Variants in JAML observed in about 807,000 individuals in gnomAD.
JAML encodes junctional adhesion molecule-like.
JAML carries 25 observed loss-of-function variants against 39.3 expected under a neutral mutation model. The ratio of observed to expected loss-of-function variants is 0.64; its 90% CI spans 0.46 to 0.89. The LOEUF (loss-of-function observed/expected upper bound fraction) is 0.89. Among genes scored for constraint, JAML ranks in the 40% least tolerant of loss-of-function variants. JAML has a pLI of 0.00. For synonymous variants in JAML, 162 were observed against 179.2 expected, an observed-to-expected ratio of 0.90 and a Z score of 0.77; for missense variants, 440 against 486.9, an observed-to-expected ratio of 0.90 and a Z score of 0.91.
intron 1 of JAML, among the ~76,000 whole-genome samples, chr11:118,223,678 A>T (rs1022347781): frequency 6.6e-6 from 1 of 152,110 alleles, no homozygotes; most frequent in Non-Finnish European, 1.5e-5. Flanking sequence ...TTTTGGAGTT[A>T]TCATTTTGGC....
Position 118,196,751 on chromosome 11 carries a change from G to C in JAML, c.1076C>G (p.Ala359Gly). 3.7e-6 allele frequency: 6 copies of C among 1,610,882 alleles called. No homozygotes were observed. Among genetic ancestry groups the C allele is most frequent in the Non-Finnish European group, 5.1e-6 (6 of 1,177,144 alleles). The change falls in exon 9 of 10, where the codon GCC becomes GGC. Residue 359 changes from alanine to glycine, a missense_variant. Ala to Gly is a moderately conservative substitution (Grantham distance 60). Coordinates refer to ENST00000356289, the MANE Select transcript of JAML (RefSeq NM_001098526.2). ...EEEEPSEKSEATYMTMHPVWP... is the reference protein window; with the variant it reads ...EEEEPSEKSEGTYMTMHPVWP... The stretch of plus-strand genomic sequence containing the variant: ...CATTCTCACCATGGTCATGTAGGTG[G>C]CCTCTGATTTTTCACTTGGTTCTTC...
chr11:118,202,589 T>G (rs998941712), intron 6 of JAML: 5 of 217,652 alleles, frequency 2.3e-5, no homozygotes, highest in Non-Finnish European at 4.7e-5. Context: ...AGAAGCTGCA[T>G]GAGCCCCCAT....
rs543209599 is a variant in JAML at position 118,222,412 on chromosome 11, C to T, written c.-21+2529G>A. Reference sequence around the variant, plus strand: ...TCCAACCTGGCGACAGAGCGAGACTCCATCTAAACAAACAAAAAGCCCCTG... The same window carrying T: ...TCCAACCTGGCGACAGAGCGAGACTTCATCTAAACAAACAAAAAGCCCCTG... On this transcript the variant is annotated intron_variant, in intron 1 of 9. Coordinates refer to ENST00000356289, the MANE Select transcript of JAML (RefSeq NM_001098526.2). This position sits in a 1 kb window ranked among gnomAD's most constrained non-coding sequence, Gnocchi z 4.2. Among the ~76,000 whole-genome samples the T allele has an allele frequency of 9.9e-5, 15 of 151,810 alleles. No homozygotes were observed. In the South Asian group the frequency reaches 2.5e-3, roughly 25 times the overall value.
Position 118,202,657 on chromosome 11 carries a change from G to A in JAML, c.772+771C>T, listed in dbSNP as rs45537439. 754 of 282,462 alleles carry A rather than the reference G, an allele frequency of 2.7e-3. 1 individual carries two copies. Among genetic ancestry groups the A allele is most frequent in the Non-Finnish European group, 4.5e-3 (628 of 140,518 alleles). The allele number at this position is 282,462 out of a possible 1,614,324, so 17.5% of individuals were successfully genotyped here. A position where few individuals can be genotyped will look rare whatever the true frequency, so the allele number is the denominator to read the frequency against. On this transcript the variant is annotated intron_variant, in intron 6 of 9. Transcript: ENST00000356289. ...TGAGAAGGAAGCACACAGACCTGCC[G>A]TGCTCCCCTCTCCAGCTGGAGACAA...
chr11:118,197,188 C>T (rs2134640753), intron 8 of JAML: 1 of 226,658 alleles, frequency 4.4e-6, no homozygotes, highest in East Asian at 1.3e-4. Context: ...GTCATCATCT[C>T]CCTCAGAGGA....
intron 2 of JAML, among the ~76,000 whole-genome samples, chr11:118,214,150 A>G (rs1949109578): frequency 6.6e-6 from 1 of 152,238 alleles, no homozygotes; most frequent in Admixed American, 6.5e-5. Context: ...CATGGGATAA[A>G]GAAAAAGGCA....
chr11:118,215,759 T>C (rs1031574463), intron 1 of JAML, among the ~76,000 whole-genome samples: 7 of 152,156 alleles, frequency 4.6e-5, no homozygotes, highest in African/African-American at 1.7e-4. Context: ...GATATGCATG[T>C]TATCTCTGTA....
At chr11:118,196,856 A>C (rs1948668368) in intron 8 of JAML, 35 bp from the exon 9 acceptor site, 1 of 1,541,066 alleles carries the variant, frequency 6.5e-7, no homozygotes, top group Non-Finnish European at 9.0e-7. Flanking sequence ...ATTCCTAAAA[A>C]TTAGATGAAT....
In JAML at chr11:118,194,031, G is replaced by A. The variant is rs73593809; in HGVS notation, c.*294C>T. On this transcript the variant is annotated 3_prime_UTR_variant, in exon 10 of 10. Coordinates refer to ENST00000356289, the MANE Select transcript of JAML (RefSeq NM_001098526.2). ...CATCCACTAAGAACCCTGCCCACAG[G>A]AGGGTCTGATCCAACGGGGGGTTTG... is the stretch of plus-strand genomic sequence containing the variant. 2.8e-3 allele frequency: 962 copies of A among 343,460 alleles called. 10 individuals carry two copies. Among genetic ancestry groups the A allele is most frequent in the African/African-American group, 0.018 (898 of 48,708 alleles). 21.3% of individuals were successfully genotyped at this position (343,460 alleles called of 1,614,324 possible). A position where few individuals can be genotyped will look rare whatever the true frequency, so the allele number is the denominator to read the frequency against.
At position 118,194,137 on chromosome 11, in the gene JAML, C is replaced by G. The variant is rs965376543; in HGVS notation, c.*188G>C. On this transcript the variant is annotated 3_prime_UTR_variant, in exon 10 of 10. Transcript: ENST00000356289. ...TCCATGCTCCCCTCCCCTCAGCAGGCCTGTTCCTCCAGAGCTGTCCAGTCT... is the reference window on the plus strand; with the variant it reads ...TCCATGCTCCCCTCCCCTCAGCAGGGCTGTTCCTCCAGAGCTGTCCAGTCT... 74 of 572,008 alleles carry G rather than the reference C, an allele frequency of 1.3e-4. 1 individual carries two copies. The East Asian group carries it at 1.7e-3, about 13-fold the overall frequency. The allele number at this position is 572,008 out of a possible 1,614,324, so 35.4% of individuals were successfully genotyped here.
At chr11:118,211,753 T>A (rs1259969157) in intron 3 of JAML, among the ~76,000 whole-genome samples, 1 of 152,138 alleles carries the variant, frequency 6.6e-6, no homozygotes, top group Non-Finnish European at 1.5e-5. Context: ...GATATACGAG[T>A]ATCTATACAG....
rs1334495462 is a variant in JAML at position 118,194,362 on chromosome 11, GAC to G, written c.1146_1147del (p.Lys382AsnfsTer39). On this transcript the variant is annotated frameshift_variant, in exon 10 of 10. Coordinates refer to ENST00000356289, the MANE Select transcript of JAML (RefSeq NM_001098526.2). LOFTEE classifies it low-confidence loss of function (END_TRUNC). ...CTGTGTTTTTGGCATTCCCCCACCT[GAC>G]TTTTTTTCAAGTGAGTTGTTCCGAT... 2 of 1,614,110 alleles carry G rather than the reference GAC, an allele frequency of 1.2e-6. No individual in the cohort carries two copies. The highest frequency in any genetic ancestry group is 2.2e-5 in the South Asian group (2 of 91,058).
rs1329158670 is a variant in JAML at position 118,203,485 on chromosome 11, C to G, written c.715G>C (p.Gly239Arg). ...GGNYTCSIHL[G>R]NLVFKKTIVL... Reference sequence around the variant, plus strand: ...ATGGTTTTCTTGAACACCAGGTTCCCTAGGTGGATACTGCAGGTGTAGTTT... The same window carrying G: ...ATGGTTTTCTTGAACACCAGGTTCCGTAGGTGGATACTGCAGGTGTAGTTT... The change falls in exon 6 of 10, where the codon GGG becomes CGG. Residue 239 changes from glycine to arginine, a missense_variant. By Grantham distance (125) the Gly-to-Arg change is moderately radical. Transcript: ENST00000356289. 6.2e-7 allele frequency: 1 copy of G among 1,614,148 alleles called. No homozygotes were observed. Among genetic ancestry groups the G allele is most frequent in the Admixed American group, 1.7e-5 (1 of 60,022 alleles).
chr11:118,209,706 T>C (rs1186048851), intron 4 of JAML, among the ~76,000 whole-genome samples: 1 of 151,808 alleles, frequency 6.6e-6, no homozygotes, highest in Non-Finnish European at 1.5e-5. Flanking sequence ...TTATTTTTTT[T>C]TTATTTTTTA....
intron 7 of JAML, among the ~76,000 whole-genome samples, chr11:118,199,614 G>A (rs1948732381): frequency 6.6e-6 from 1 of 152,038 alleles, no homozygotes; most frequent in Non-Finnish European, 1.5e-5. Flanking sequence ...GTCCCTGTTG[G>A]AGCATCTGGG....
In JAML at chr11:118,195,172, G is replaced by A. The variant is rs77087402; in HGVS notation, c.1093-755C>T. ...AGCCACAAGGCAGCTGTATCAGCAG[G>A]TCTCCAGGAGCCAGGATGAGGCCTC... On this transcript the variant is annotated intron_variant, in intron 9 of 9. Coordinates refer to ENST00000356289, the MANE Select transcript of JAML (RefSeq NM_001098526.2). Among the ~76,000 whole-genome samples the A allele has an allele frequency of 5.9e-3, 895 of 152,322 alleles. 6 individuals are homozygous for A. Among genetic ancestry groups the A allele is most frequent in the African/African-American group, 0.02 (844 of 41,582 alleles).
chr11:118,196,263 G>A (rs970280763), intron 9 of JAML, among the ~76,000 whole-genome samples: 3 of 151,988 alleles, frequency 2.0e-5, no homozygotes, highest in African/African-American at 4.8e-5. Flanking sequence ...AAGTAGCTGG[G>A]ATTATAGGCA....
In JAML at chr11:118,203,511, C is replaced by T; in HGVS notation, c.689G>A (p.Gly230Glu). The T allele has an allele frequency of 6.2e-7, 1 of 1,614,148 alleles. No homozygotes were observed. ...MLQGVRESDG[G>E]NYTCSIHLGN... ...TAGGTGGATACTGCAGGTGTAGTTT[C>T]CTCCATCTGACTCCCTCACTCCTTG... The change falls in exon 6 of 10, where the codon GGA (glycine) becomes GAA (glutamate). Residue 230 changes from glycine (G) to glutamate (E), a missense_variant. By Grantham distance (98) the Gly-to-Glu change is moderately conservative (BLOSUM62 -2). Transcript: ENST00000356289.
chr11:118,199,713 T>TA (rs1948737235), intron 7 of JAML, among the ~76,000 whole-genome samples: 1 of 100,000 alleles, frequency 1.0e-5, no homozygotes, highest in South Asian at 3.6e-4. Context: ...TTTTTTTTTT[T>TA]TGAGACAGAG....
Sources: allele counts gnomAD v4.1 joint callset (sites outside exome capture counted in the v4.1 genomes callset), GRCh38; gene constraint gnomAD v4.1.1; non-coding constraint Gnocchi (gnomAD v3.1); transcripts MANE v1.5; gene names NCBI Gene and HGNC (gene_info 2026-07-23, HGNC 2026-07-21).